Variants in PPRC1 observed in about 807,000 individuals in gnomAD.
PPRC1 encodes peroxisome proliferator-activated receptor gamma coactivator-related protein 1.
Under a neutral mutation model 132.5 loss-of-function variants are expected in PPRC1, and 23 were observed. The observed-to-expected ratio is 0.17, with a 90% CI of 0.12 to 0.25. The LOEUF (loss-of-function observed/expected upper bound fraction) is 0.25, where lower values mean the gene tolerates loss of function less well. PPRC1 is among the 10% of genes least tolerant of loss of function. PPRC1 has a pLI of 1.00. For synonymous variants in PPRC1, 872 were observed against 833.5 expected, an observed-to-expected ratio of 1.05 and a Z score of -0.80; for missense variants, 2,006 against 2,089.1, an observed-to-expected ratio of 0.96 and a Z score of 0.78.
Position 102,137,890 on chromosome 10 carries a change from G to A in PPRC1, c.194G>A (p.Ser65Asn). 6.2e-7 allele frequency: 1 copy of A among 1,614,070 alleles called. No homozygotes were observed. Among genetic ancestry groups the A allele is most frequent in the Non-Finnish European group, 8.5e-7 (1 of 1,179,986 alleles). ...HEEAGDSGFV[S>N]LSRLGPSLRD... ...GAGGCGGGTGATTCTGGCTTTGTCA[G>A]TCTCTCTCGGCTGGGCCCATCTCTG... is the stretch of plus-strand genomic sequence containing the variant. Residue 65 changes from serine (S) to asparagine (N), a missense_variant, in exon 2 of 14, where the codon AGT (serine) becomes AAT (asparagine). Physicochemically the swap from Ser to Asn is conservative, Grantham distance 46 (BLOSUM62 1). This residue lies in a region of PPRC1 where 1,914 missense variants were observed against 1,917.2 expected (regional missense o/e 1.00). Coordinates refer to ENST00000278070, the MANE Select transcript of PPRC1 (RefSeq NM_015062.5).
intron 13 of PPRC1, among the ~76,000 whole-genome samples, chr10:102,149,723 CTG>C (rs2069428255): frequency 8.6e-6 from 1 of 116,848 alleles, no homozygotes; most frequent in African/African-American, 4.4e-5. Context: ...CAGAACGAGA[CTG>C]TCTCAAAAAA....
Position 102,147,260 on chromosome 10 carries a change from G to A in PPRC1, c.4268G>A (p.Arg1423Gln), listed in dbSNP as rs778051170. ...SPSSQGWQGR[R>Q]GRNSRSVSSG... ...TCAAGCCAGGGCTGGCAGGGCCGCC[G>A]AGGCCGCAACAGCCGTTCTGTCAGC... Residue 1423 changes from arginine to glutamine, a missense_variant, in exon 9 of 14, where the codon CGA (arginine) becomes CAA (glutamine). Arg to Gln is a conservative substitution (Grantham distance 43). Transcript: ENST00000278070. 140 of 1,612,876 alleles carry A rather than the reference G, an allele frequency of 8.7e-5. 3 individuals carry two copies. The South Asian group carries it at 1.1e-3, about 13-fold the overall frequency.
chr10:102,140,867 A>G lies in PPRC1; in HGVS notation c.2359A>G (p.Thr787Ala). ...GTGGCCTAGCCTTCCAGAGACTCCC[A>G]CAGGGCTGGCAGACATCCCTTGTCT... ...GKWPSLPETPTGLADIPCLVI... is the reference protein window; with the variant it reads ...GKWPSLPETPAGLADIPCLVI... The change falls in exon 5 of 14, where the codon ACA (threonine) becomes GCA (alanine). Residue 787 changes from threonine to alanine, a missense_variant. Physicochemically the swap from Thr to Ala is moderately conservative, Grantham distance 58 (BLOSUM62 0). Around this residue, in one of 2 missense-constraint regions of PPRC1, gnomAD observed 1,914 missense variants for 1,917.2 expected, o/e 1.00. Transcript: ENST00000278070. 1 of 1,614,068 alleles carries G rather than the reference A, an allele frequency of 6.2e-7. No homozygotes were observed. Among genetic ancestry groups the G allele is most frequent in the Non-Finnish European group, 8.5e-7 (1 of 1,180,002 alleles).
chr10:102,142,112 GTT>G, intron 5 of PPRC1, 108 bp downstream of exon 5: 1 of 1,326,200 alleles, frequency 7.5e-7, no homozygotes, highest in Non-Finnish European at 1.0e-6. Context: ...CTTTGGAGGA[GTT>G]TTTTTGTTTT....
chr10:102,132,408 G>A (rs1296586734), upstream of PPRC1, among the ~76,000 whole-genome samples: 1 of 152,226 alleles, frequency 6.6e-6, no homozygotes, highest in Non-Finnish European at 1.5e-5. Flanking sequence ...AATGTTTTGA[G>A]GTTCAAGTAT....
chr10:102,120,326 G>A, the PPRC1 span: 12 of 984,752 alleles, frequency 1.2e-5, no homozygotes, highest in Non-Finnish European at 1.4e-5. Context: ...AAGGCGAGCG[G>A]CCTCTGCGTG....
chr10:102,120,265 G>A, the PPRC1 span: 1 of 983,410 alleles, frequency 1.0e-6, no homozygotes, highest in African/African-American at 1.8e-5. Context: ...GCCCCTGGCT[G>A]CGGCGAGGGG....
intron 6 of PPRC1, among the ~76,000 whole-genome samples, chr10:102,143,684 G>A (rs2069098182): frequency 6.6e-6 from 1 of 152,112 alleles, no homozygotes; most frequent in Non-Finnish European, 1.5e-5. Context: ...TTCAGGCTGG[G>A]CATTGAAAGA....
Position 102,138,664 on chromosome 10 carries a change from G to T in PPRC1, c.388G>T (p.Ala130Ser), listed in dbSNP as rs1206687684. Residue 130 changes from alanine (A) to serine (S), a missense_variant, in exon 3 of 14, where the codon GCT becomes TCT. By Grantham distance (99) the Ala-to-Ser change is moderately conservative. This residue lies in a region of PPRC1 where 1,914 missense variants were observed against 1,917.2 expected (regional missense o/e 1.00). Transcript: ENST00000278070. ...EDQNEVSLLT[A>S]LTEILDNADS... is the part of the protein sequence containing the mutation. ...CCAGAATGAAGTGTCGCTGCTCACG[G>T]CTCTGACGGAGATCTTGGACAATGC... is the stretch of plus-strand genomic sequence containing the variant. 1 of 1,614,196 alleles carries T rather than the reference G, an allele frequency of 6.2e-7. No individual in the cohort carries two copies. Among genetic ancestry groups the T allele is most frequent in the East Asian group, 2.2e-5 (1 of 44,888 alleles).
In PPRC1 at chr10:102,145,076, T is replaced by C. The variant is rs1299233059; in HGVS notation, c.3665T>C (p.Leu1222Pro). 1.9e-6 allele frequency: 3 copies of C among 1,613,650 alleles called. No individual in the cohort carries two copies. Among genetic ancestry groups the C allele is most frequent in the Non-Finnish European group, 2.5e-6 (3 of 1,179,600 alleles). Residue 1222 changes from leucine (L) to proline (P), a missense_variant, in exon 8 of 14, where the codon CTG (leucine) becomes CCG (proline). Leu to Pro is a moderately conservative substitution (Grantham distance 98, BLOSUM62 -3). Around this residue, in one of 2 missense-constraint regions of PPRC1, gnomAD observed 1,914 missense variants for 1,917.2 expected, o/e 1.00. Transcript: ENST00000278070. ...CTAGACCGGTTACAAGCCCCAGAAC[T>C]GGCCAACGTGGCAGGTGGGTTCAGG... ...RPLDRLQAPELANVAGLTPPA... is the reference protein window; with the variant it reads ...RPLDRLQAPEPANVAGLTPPA...
chr10:102,145,124 A>T (rs750395640), intron 8 of PPRC1, 34 bp downstream of exon 8: 2 of 1,567,568 alleles, frequency 1.3e-6, no homozygotes, highest in Middle Eastern at 1.7e-4. Flanking sequence ...GCCTGTGATT[A>T]GTCTATGCAG....
rs1220724085 is a variant in PPRC1 at position 102,149,918 on chromosome 10, C to T, written c.4892-8C>T. The T allele has an allele frequency of 1.3e-6, 2 of 1,599,838 alleles. No homozygotes were observed. The highest frequency in any genetic ancestry group is 1.1e-5 in the South Asian group (1 of 90,790). Reference sequence around the variant, plus strand: ...CAGAGACCTTGAAGTTTGTCTTTACCTTTATAGACTCCAACCGGGAAGACT... The same window carrying T: ...CAGAGACCTTGAAGTTTGTCTTTACTTTTATAGACTCCAACCGGGAAGACT... On this transcript the variant is annotated splice_region_variant and splice_polypyrimidine_tract_variant and intron_variant, in intron 13 of 13. Coordinates refer to ENST00000278070, the MANE Select transcript of PPRC1 (RefSeq NM_015062.5).
chr10:102,122,462 CT>C, the PPRC1 span, among the ~76,000 whole-genome samples: 1,033 of 133,546 alleles, frequency 7.7e-3, 2 homozygotes, highest in East Asian at 0.051. Context: ...TCTTTCTGCC[CT>C]TTTTTTTTTT....
the PPRC1 span, among the ~76,000 whole-genome samples, chr10:102,123,833 C>CTTT: frequency 7.4e-3 from 504 of 68,284 alleles, 2 homozygotes; most frequent in Middle Eastern, 0.015. Context: ...CACGCCCGGC[C>CTTT]TTTTTTTTTT....
chr10:102,131,661 A>G (rs2068545303), upstream of PPRC1, among the ~76,000 whole-genome samples: 1 of 152,198 alleles, frequency 6.6e-6, no homozygotes, highest in Non-Finnish European at 1.5e-5. Flanking sequence ...AACAACTTAA[A>G]TATTATTTAT....
Position 102,141,287 on chromosome 10 carries a change from C to T in PPRC1, c.2779C>T (p.Pro927Ser). Residue 927 changes from proline (P) to serine (S), a missense_variant, in exon 5 of 14, where the codon CCT (proline) becomes TCT (serine). By Grantham distance (74) the Pro-to-Ser change is moderately conservative (BLOSUM62 -1). Coordinates refer to ENST00000278070, the MANE Select transcript of PPRC1 (RefSeq NM_015062.5). ...YAPLPSWPCY[P>S]HVSPSGYPCL... ...CCCCTTGCCATCCTGGCCTTGTTAT[C>T]CTCATGTGTCCCCTTCTGGCTATCC... 3.1e-6 allele frequency: 5 copies of T among 1,614,066 alleles called. No individual in the cohort carries two copies. The highest frequency in any genetic ancestry group is 4.2e-6 in the Non-Finnish European group (5 of 1,179,956).
upstream of PPRC1, among the ~76,000 whole-genome samples, chr10:102,132,064 A>AT (rs1189283272): frequency 6.6e-6 from 1 of 152,256 alleles, no homozygotes; most frequent in Non-Finnish European, 1.5e-5. Flanking sequence ...ATATTGTTAC[A>AT]TAAAAAAAGC....
intron 12 of PPRC1, 84 bp downstream of exon 12, chr10:102,149,022 G>GGGCAAT: frequency 6.4e-7 from 1 of 1,570,076 alleles, no homozygotes; most frequent in Non-Finnish European, 8.6e-7. Context: ...CCTTGCTCTG[G>GGGCAAT]TGTGCTGAGC....
At position 102,141,547 on chromosome 10, in the gene PPRC1, A is replaced by C. The variant is rs375110579; in HGVS notation, c.3039A>C (p.Gln1013His). ...CCTCCATTGGGAGAGCTGTTCCCCA[A>C]CCTAAAATGGAGTCTAGGGGCACTC... is the stretch of plus-strand genomic sequence containing the variant. ...PPASIGRAVP[Q>H]PKMESRGTPA... Residue 1013 changes from glutamine to histidine, a missense_variant, in exon 5 of 14, where the codon CAA becomes CAC. This residue lies in a region of PPRC1 where 1,914 missense variants were observed against 1,917.2 expected (regional missense o/e 1.00). Coordinates refer to ENST00000278070, the MANE Select transcript of PPRC1 (RefSeq NM_015062.5). 7 of 1,613,846 alleles carry C rather than the reference A, an allele frequency of 4.3e-6. No homozygotes were observed. In the South Asian group the frequency reaches 7.7e-5, roughly 18 times the overall value.
Sources: allele counts gnomAD v4.1 joint callset (sites outside exome capture counted in the v4.1 genomes callset), GRCh38; gene constraint gnomAD v4.1.1; regional missense constraint gnomAD v4.1.1; transcripts MANE v1.5; gene names NCBI Gene and HGNC (gene_info 2026-07-23, HGNC 2026-07-21).